The following PALLD variants were observed in gnomAD, a reference collection of about 807,000 sequenced individuals.
PALLD encodes palladin, cytoskeletal associated protein.
PALLD carries 61 observed loss-of-function variants against 123.5 expected under a neutral mutation model. The observed-to-expected ratio is 0.49, with a 90% CI of 0.40 to 0.61. The LOEUF is 0.61. Among genes scored for constraint, PALLD ranks in the 20% least tolerant of loss-of-function variants. PALLD has a pLI of 0.00. For synonymous variants in PALLD, 465 were observed against 496.4 expected (o/e 0.94, Z 0.84); for missense variants, 1,273 against 1,377.0 (o/e 0.92, Z 1.20).
intron 2 of PALLD, among the ~76,000 whole-genome samples, chr4:168,588,016 C>A (rs934595263): frequency 1.3e-5 from 2 of 152,136 alleles, no homozygotes; most frequent in Middle Eastern, 3.4e-3. Flanking sequence ...GCAGAAACTC[C>A]GTTGAGTCAT....
chr4:168,499,329 AG>A (rs11356014), intron 1 of PALLD, among the ~76,000 whole-genome samples: 8,352 of 55,250 alleles, frequency 0.15, 769 homozygotes, highest in African/African-American at 0.17. Context: ...ACATGGAAGA[AG>A]GGGGAAGGGA....
chr4:168,512,312 G>A lies in PALLD; in HGVS notation c.808G>A (p.Ala270Thr). The A allele has an allele frequency of 6.2e-7, 1 of 1,614,168 alleles. No homozygotes were observed. Among genetic ancestry groups the A allele is most frequent in the Non-Finnish European group, 8.5e-7 (1 of 1,180,026 alleles). The change falls in exon 2 of 22, where the codon GCA becomes ACA. Residue 270 changes from alanine to threonine, a missense_variant. This residue lies in a region of PALLD where 944 missense variants were observed against 954.5 expected (regional missense o/e 0.99). Transcript: ENST00000505667. The stretch of plus-strand genomic sequence containing the variant: ...CCACAGCGCCCTCCACTTCCCAGCT[G>A]CACCTCGATTCATCCAAAAGCTGAG... ...QPHSALHFPAAPRFIQKLRSQ... is the reference protein window; with the variant it reads ...QPHSALHFPATPRFIQKLRSQ...
At chr4:168,568,112 G>A (rs1768592521) in intron 2 of PALLD, among the ~76,000 whole-genome samples, 1 of 151,744 alleles carries the variant, frequency 6.6e-6, no homozygotes, top group Non-Finnish European at 1.5e-5. Context: ...AGCAACATGG[G>A]CCCTTTTGGT....
At chr4:168,508,324 A>G (rs748636731) in intron 1 of PALLD, among the ~76,000 whole-genome samples, 6 of 152,222 alleles carry the variant, frequency 3.9e-5, no homozygotes, top group Non-Finnish European at 7.3e-5. Context: ...CAATTATATA[A>G]GCTTATTATT....
At position 168,926,421 on chromosome 4, in the gene PALLD, G is replaced by A; in HGVS notation, c.*241G>A. On this transcript the variant is annotated 3_prime_UTR_variant, in exon 22 of 22. Transcript: ENST00000505667. The stretch of plus-strand genomic sequence containing the variant: ...TTGTTAAAGCTGAAACACTGAAACA[G>A]CCATTGCCTTGACCAACATATTCCT... 1 of 1,460,990 alleles carries A rather than the reference G, an allele frequency of 6.8e-7. No homozygotes were observed. The highest frequency in any genetic ancestry group is 1.2e-5 in the South Asian group (1 of 82,308). 90.5% of individuals were successfully genotyped at this position (1,460,990 alleles called of 1,614,324 possible). A position where few individuals can be genotyped will look rare whatever the true frequency, so the allele number is the denominator to read the frequency against.
intron 10 of PALLD, among the ~76,000 whole-genome samples, chr4:168,836,854 G>A (rs1443517517): frequency 6.6e-6 from 1 of 152,104 alleles, no homozygotes; most frequent in Non-Finnish European, 1.5e-5. Context: ...GGTTTCCCAG[G>A]CCAGCCCAGA....
intron 2 of PALLD, among the ~76,000 whole-genome samples, chr4:168,650,967 GACTAAGTGATATAATCCAA>G (rs1216224772): frequency 2.0e-5 from 3 of 152,074 alleles, no homozygotes; most frequent in African/African-American, 7.2e-5. Context: ...GCTTTCTAAA[GACTAAGTGATATAATCCAA>G]ACTTTAGAAA....
chr4:168,828,575 G>T (rs1743744670), intron 10 of PALLD, among the ~76,000 whole-genome samples: 1 of 152,102 alleles, frequency 6.6e-6, no homozygotes, highest in Non-Finnish European at 1.5e-5. Context: ...GAATACTGTT[G>T]GTTTTTAGTG....
intron 10 of PALLD, among the ~76,000 whole-genome samples, chr4:168,767,798 C>T (rs1364819354): frequency 6.6e-6 from 1 of 152,140 alleles, no homozygotes; most frequent in African/African-American, 2.4e-5. Context: ...CCACCTGCCT[C>T]GGCCGCCCAA....
chr4:168,606,460 G>A (rs1202442439), intron 2 of PALLD, among the ~76,000 whole-genome samples: 2 of 151,892 alleles, frequency 1.3e-5, no homozygotes, highest in African/African-American at 4.8e-5. Flanking sequence ...GGATCACGAG[G>A]TCAGGAGATC....
intron 2 of PALLD, among the ~76,000 whole-genome samples, chr4:168,612,221 T>G (rs1269310601): frequency 1.4e-5 from 2 of 140,790 alleles, no homozygotes; most frequent in African/African-American, 5.3e-5. Flanking sequence ...TGCCTACTTT[T>G]AAGAAATTCA....
chr4:168,680,477 G>A (rs1447709102), intron 3 of PALLD, among the ~76,000 whole-genome samples: 4 of 77,598 alleles, frequency 5.2e-5, no homozygotes, highest in African/African-American at 5.7e-5. Flanking sequence ...GCAAGATTCC[G>A]TCTCAAAAAA....
intron 10 of PALLD, among the ~76,000 whole-genome samples, chr4:168,733,217 A>G (rs893478001): frequency 2.6e-5 from 4 of 152,184 alleles, no homozygotes; most frequent in South Asian, 2.1e-4. Context: ...TGAATAATTT[A>G]TTGTTAACTA....
chr4:168,504,767 G>A (rs1216405335), intron 1 of PALLD: 1 of 152,190 alleles, frequency 6.6e-6, no homozygotes, highest in Non-Finnish European at 1.5e-5. Flanking sequence ...CAGGGGACAG[G>A]ACAATTTAAA....
At chr4:168,682,356 A>G (rs1247089273) in intron 4 of PALLD, among the ~76,000 whole-genome samples, 1 of 152,118 alleles carries the variant, frequency 6.6e-6, no homozygotes, top group Non-Finnish European at 1.5e-5. Context: ...TTATTTTACC[A>G]CCCCTGGTTT....
chr4:168,924,741 A>C (rs1762247658), intron 19 of PALLD, among the ~76,000 whole-genome samples: 1 of 152,240 alleles, frequency 6.6e-6, no homozygotes, highest in South Asian at 2.1e-4. Context: ...CTAGGAATTA[A>C]GCACACAGAT....
At position 168,512,363 on chromosome 4, in the gene PALLD, C is replaced by G; in HGVS notation, c.859C>G (p.Arg287Gly). ...GAGCCAAGAAGTAGCAGAAGGGAGC[C>G]GAGTTTATCTGGAGTGTAGAGTCAC... ...LRSQEVAEGS[R>G]VYLECRVTGN... is the part of the protein sequence containing the mutation. Residue 287 changes from arginine (R) to glycine (G), a missense_variant, in exon 2 of 22, where the codon CGA becomes GGA. Physicochemically the swap from Arg to Gly is moderately radical, Grantham distance 125 (BLOSUM62 -2). Transcript: ENST00000505667. 6.2e-7 allele frequency: 1 copy of G among 1,613,884 alleles called. No homozygotes were observed. The highest frequency in any genetic ancestry group is 8.5e-7 in the Non-Finnish European group (1 of 1,180,020).
intron 10 of PALLD, among the ~76,000 whole-genome samples, chr4:168,861,327 A>AT (rs1420028864): frequency 6.6e-6 from 1 of 151,962 alleles, no homozygotes; most frequent in Non-Finnish European, 1.5e-5. Flanking sequence ...CATACAGCTT[A>AT]TATCTATATG....
intron 2 of PALLD, among the ~76,000 whole-genome samples, chr4:168,606,765 C>T (rs1773226348): frequency 1.3e-5 from 2 of 152,030 alleles, no homozygotes; most frequent in African/African-American, 4.8e-5. Flanking sequence ...CTGAACACCC[C>T]AGCAGTCTAG....
Sources: allele counts gnomAD v4.1 joint callset (sites outside exome capture counted in the v4.1 genomes callset), GRCh38; gene constraint gnomAD v4.1.1; regional missense constraint gnomAD v4.1.1; transcripts MANE v1.5; gene names NCBI Gene and HGNC (gene_info 2026-07-23, HGNC 2026-07-21).